The following PPP2R5E variants were observed in gnomAD, a reference collection of about 807,000 sequenced individuals.
PPP2R5E encodes serine/threonine-protein phosphatase 2A 56 kDa regulatory subunit epsilon isoform.
A neutral mutation model predicts 65.3 loss-of-function variants in PPP2R5E; 4 were observed. That is an observed-to-expected ratio of 0.06 (90% CI 0.03 to 0.14). The LOEUF is 0.14. Ranked by LOEUF, PPP2R5E falls within the 10% of genes least tolerant of loss-of-function variation. PPP2R5E has a pLI of 1.00. For missense variants in PPP2R5E, 274 were observed against 556.1 expected, an observed-to-expected ratio of 0.49 and a Z score of 5.10; for synonymous variants, 183 against 187.4, an observed-to-expected ratio of 0.98 and a Z score of 0.19.
At chr14:63,497,577 G>A (rs999075149) in intron 2 of PPP2R5E, among the ~76,000 whole-genome samples, 2 of 150,912 alleles carry the variant, frequency 1.3e-5, no homozygotes, top group Non-Finnish European at 3.0e-5. Flanking sequence ...GGTGAAACCC[G>A]TCTCTACAAA....
At chr14:63,430,692 G>A (rs563412312) in intron 3 of PPP2R5E, among the ~76,000 whole-genome samples, 20 of 152,192 alleles carry the variant, frequency 1.3e-4, no homozygotes, top group Admixed American at 8.5e-4. Context: ...TAGAATCAGA[G>A]CAGACAAATA....
chr14:63,451,259 T>A (rs558214850), intron 3 of PPP2R5E: 2 of 152,344 alleles, frequency 1.3e-5, no homozygotes, highest in South Asian at 4.1e-4. Context: ...AAAAAACTTG[T>A]ACACAGATAT....
chr14:63,470,371 C>T (rs1240687490), intron 2 of PPP2R5E, among the ~76,000 whole-genome samples: 1 of 148,872 alleles, frequency 6.7e-6, no homozygotes, highest in African/African-American at 2.6e-5. Flanking sequence ...CTGCATCCAG[C>T]CTCCTACCTC....
chr14:63,438,942 T>G (rs72714238), intron 3 of PPP2R5E, among the ~76,000 whole-genome samples: 1 of 151,680 alleles, frequency 6.6e-6, no homozygotes, highest in Non-Finnish European at 1.5e-5. Flanking sequence ...TAAATGTATA[T>G]ATAACTATAA....
chr14:63,394,039 T>C, intron 7 of PPP2R5E, 111 bp from the exon 8 acceptor site: 1 of 447,786 alleles, frequency 2.2e-6, no homozygotes, highest in Non-Finnish European at 4.2e-6. Context: ...CAAAACAACA[T>C]AATACCCACC....
chr14:63,505,045 C>T (rs1165598780), intron 2 of PPP2R5E, among the ~76,000 whole-genome samples: 1 of 152,156 alleles, frequency 6.6e-6, no homozygotes, highest in Admixed American at 6.5e-5. Flanking sequence ...TAAAGTATTA[C>T]TAAGACCGGC....
At chr14:63,481,752 C>T (rs1370851624) in intron 2 of PPP2R5E, among the ~76,000 whole-genome samples, 1 of 152,102 alleles carries the variant, frequency 6.6e-6, no homozygotes, top group Admixed American at 6.5e-5. Flanking sequence ...TTAACACAGC[C>T]TCATGGTCAC....
At chr14:63,529,480 C>G (rs1170834319) in intron 2 of PPP2R5E, among the ~76,000 whole-genome samples, 2 of 151,962 alleles carry the variant, frequency 1.3e-5, no homozygotes. Context: ...CCTGCCTCAG[C>G]CTTCCGAGTA....
At chr14:63,467,175 G>A (rs1259616026) in intron 2 of PPP2R5E, among the ~76,000 whole-genome samples, 5 of 146,828 alleles carry the variant, frequency 3.4e-5, no homozygotes, top group African/African-American at 1.3e-4. Flanking sequence ...GCAGTGAGCC[G>A]AGATCTTGCC....
rs1883904344 is a variant in PPP2R5E, at chr14:63,374,922, G to A, written c.*1087C>T. On this transcript the variant is annotated 3_prime_UTR_variant, in exon 14 of 14. Coordinates refer to ENST00000337537, the MANE Select transcript of PPP2R5E (RefSeq NM_006246.5). ...TCCGGCTAAAAACAGGGCTGGCGCT[G>A]TGATGAGATATAGAACGAGAATCTA... The A allele has an allele frequency of 6.6e-6, 1 of 152,314 alleles. No individual in the cohort carries two copies. Among genetic ancestry groups the A allele is most frequent in the Non-Finnish European group, 1.5e-5 (1 of 67,956 alleles). 9.4% of individuals were successfully genotyped at this position (152,314 alleles called of 1,614,324 possible).
intron 5 of PPP2R5E, among the ~76,000 whole-genome samples, chr14:63,398,479 T>C (rs937917345): frequency 1.3e-5 from 2 of 152,220 alleles, no homozygotes; most frequent in Non-Finnish European, 2.9e-5. Context: ...CAATAAACCA[T>C]GAAAAGTGCT....
At chr14:63,448,702 T>C (rs943357307) in intron 3 of PPP2R5E, among the ~76,000 whole-genome samples, 1 of 151,500 alleles carries the variant, frequency 6.6e-6, no homozygotes, top group African/African-American at 2.4e-5. Context: ...GGCAGGAGAA[T>C]TGCTTAAACC....
At chr14:63,389,775 A>C in intron 10 of PPP2R5E, 44 bp from the exon 11 acceptor site, 1 of 1,513,820 alleles carries the variant, frequency 6.6e-7, no homozygotes, top group East Asian at 2.4e-5. Flanking sequence ...ACATCATGAA[A>C]AAAAATCCAT....
chr14:63,523,608 G>A (rs1371556106), intron 2 of PPP2R5E, among the ~76,000 whole-genome samples: 1 of 151,710 alleles, frequency 6.6e-6, no homozygotes, highest in African/African-American at 2.4e-5. Flanking sequence ...GAAAACCAGA[G>A]ACCTTTGTTC....
At chr14:63,427,982 C>T (rs966032741) in intron 3 of PPP2R5E, among the ~76,000 whole-genome samples, 4 of 152,114 alleles carry the variant, frequency 2.6e-5, no homozygotes, top group African/African-American at 9.7e-5. Context: ...TCTTTTTCCT[C>T]TCATCTTCCC....
intron 2 of PPP2R5E, among the ~76,000 whole-genome samples, chr14:63,467,248 A>C (rs911988071): frequency 6.6e-6 from 1 of 150,926 alleles, no homozygotes; most frequent in African/African-American, 2.5e-5. Context: ...ACAAACAAAA[A>C]AAACACTATT....
chr14:63,522,479 C>A (rs1892963081), intron 2 of PPP2R5E, among the ~76,000 whole-genome samples: 1 of 150,968 alleles, frequency 6.6e-6, no homozygotes, highest in African/African-American at 2.4e-5. Context: ...GCCCGGCCGC[C>A]ATCCCATCTA....
intron 11 of PPP2R5E, among the ~76,000 whole-genome samples, chr14:63,385,317 C>A (rs182411177): frequency 9.2e-5 from 14 of 152,164 alleles, no homozygotes; most frequent in Admixed American, 7.2e-4. Context: ...CAGAGCAAGA[C>A]CGTGTCTTCT....
chr14:63,475,784 G>GT (rs34197296), intron 2 of PPP2R5E, among the ~76,000 whole-genome samples: 10 of 134,864 alleles, frequency 7.4e-5, no homozygotes, highest in East Asian at 6.6e-4. Flanking sequence ...ACATAAGATA[G>GT]TTTTTTTAAA....
Sources: gnomAD v4.1 joint callset for allele counts (sites outside exome capture counted in the v4.1 genomes callset) on GRCh38, gnomAD v4.1.1 for gene constraint, MANE v1.5 for transcripts, NCBI Gene and HGNC (gene_info 2026-07-23, HGNC 2026-07-21) for gene names.